EBF2: variants seen among roughly 807,000 people sequenced by gnomAD.
EBF2 encodes EBF transcription factor 2.
Under a neutral mutation model 72.8 loss-of-function variants are expected in EBF2, and 21 were observed. The observed-to-expected ratio is 0.29, with a 90% CI of 0.20 to 0.42. The LOEUF is 0.42. Ranked by LOEUF, EBF2 falls within the 10% of genes least tolerant of loss-of-function variation. EBF2 has a pLI of 1.00. For missense variants in EBF2, 637 were observed against 731.2 expected (o/e 0.87, Z 1.49); for synonymous variants, 299 against 274.2 (o/e 1.09, Z -0.89).
intron 6 of EBF2, among the ~76,000 whole-genome samples, chr8:25,997,453 C>A (rs1394066661): frequency 6.6e-6 from 1 of 151,794 alleles, no homozygotes; most frequent in Non-Finnish European, 1.5e-5. Context: ...CACCTGTAGT[C>A]CCAGATATTC....
intron 6 of EBF2, among the ~76,000 whole-genome samples, chr8:26,030,364 C>T (rs1421365145): frequency 1.3e-5 from 2 of 151,930 alleles, no homozygotes; most frequent in South Asian, 2.1e-4. Flanking sequence ...TCATCCATGT[C>T]CCTACAAAGG....
intron 6 of EBF2, among the ~76,000 whole-genome samples, chr8:25,983,752 C>T (rs183194389): frequency 3.3e-5 from 5 of 152,358 alleles, no homozygotes; most frequent in African/African-American, 9.6e-5. Context: ...TGAAAACTCG[C>T]TGGGTGTGCC....
chr8:26,034,777 G>A (rs774879936), intron 5 of EBF2, among the ~76,000 whole-genome samples: 2 of 152,188 alleles, frequency 1.3e-5, no homozygotes, highest in African/African-American at 2.4e-5. Context: ...TGCCTAAGGA[G>A]TAAGCACACT....
chr8:25,991,704 C>T (rs1394771204), intron 6 of EBF2, among the ~76,000 whole-genome samples: 4 of 151,934 alleles, frequency 2.6e-5, no homozygotes, highest in Admixed American at 1.3e-4. Context: ...AAATTAGCCA[C>T]GCATGGTGGC....
chr8:26,011,825 A>C (rs936146450), intron 6 of EBF2, among the ~76,000 whole-genome samples: 5 of 151,782 alleles, frequency 3.3e-5, no homozygotes, highest in African/African-American at 1.2e-4. Flanking sequence ...AAAAAAAAGC[A>C]ATGTGTTATC....
At chr8:25,878,101 G>A (rs1422582641) in intron 10 of EBF2, among the ~76,000 whole-genome samples, 3 of 152,142 alleles carry the variant, frequency 2.0e-5, no homozygotes, top group African/African-American at 7.2e-5. Context: ...TGGACCACAC[G>A]GCCAGCCCCC....
In EBF2 at chr8:26,042,115, C is replaced by T; in HGVS notation, c.268G>A (p.Asp90Asn). The change falls in exon 2 of 16, where the codon GAC becomes AAC. Residue 90 changes from aspartate (D) to asparagine (N), a missense_variant. Physicochemically the swap from Asp to Asn is conservative, Grantham distance 23. Transcript: ENST00000520164. ...PVEIERTAFV[D>N]FVENDKEQGN... is the part of the protein sequence containing the mutation. ...CTTACTTTGTCATTCTCCACAAAGTCCACGAAGGCCGTCCGCTCGATCTCC... is the reference window on the plus strand; with the variant it reads ...CTTACTTTGTCATTCTCCACAAAGTTCACGAAGGCCGTCCGCTCGATCTCC... The T allele has an allele frequency of 1.2e-6, 2 of 1,613,716 alleles. No homozygotes were observed. Among genetic ancestry groups the T allele is most frequent in the South Asian group, 2.2e-5 (2 of 91,040 alleles).
chr8:25,962,254 G>A (rs1307431927), intron 6 of EBF2, among the ~76,000 whole-genome samples: 1 of 152,156 alleles, frequency 6.6e-6, no homozygotes, highest in African/African-American at 2.4e-5. Flanking sequence ...AGGATTGTAA[G>A]CAATATGAGT....
At chr8:26,010,426 G>C (rs540685963) in intron 6 of EBF2, among the ~76,000 whole-genome samples, 1 of 152,332 alleles carries the variant, frequency 6.6e-6, no homozygotes, top group East Asian at 1.9e-4. Flanking sequence ...GCCACAGACA[G>C]GAATTTAGCA....
At position 25,872,695 on chromosome 8, in the gene EBF2, A is replaced by G. The variant is rs1283710395; in HGVS notation, c.1010-9898T>C. Among the ~76,000 whole-genome samples the G allele has an allele frequency of 3.9e-5, 6 of 152,082 alleles. No homozygotes were observed. The East Asian group carries it at 1.2e-3, about 29-fold the overall frequency. On this transcript the variant is annotated intron_variant, in intron 10 of 15. Coordinates refer to ENST00000520164, the MANE Select transcript of EBF2 (RefSeq NM_022659.4). ...TAAGAAAGCAAACAACAACAACAAC[A>G]ACAACAACAACAACAACAAACCCTT...
rs113567334 is a variant in EBF2 at position 25,985,414 on chromosome 8, G to A, written c.551+47671C>T. On this transcript the variant is annotated intron_variant, in intron 6 of 15. Transcript: ENST00000520164. ...AGAACCAACGGTCTGGGGAAGTAGA[G>A]AGGTTTCCAGAGTCAGCCTCGCTCT... Among the ~76,000 whole-genome samples the A allele has an allele frequency of 2.9e-3, 441 of 152,294 alleles. 3 individuals are homozygous for A. The highest frequency in any genetic ancestry group is 0.01 in the African/African-American group (424 of 41,564).
intron 6 of EBF2, among the ~76,000 whole-genome samples, chr8:25,926,817 C>T (rs763009139): frequency 1.3e-5 from 2 of 152,162 alleles, no homozygotes; most frequent in East Asian, 1.9e-4. Context: ...TTTGAGGCAA[C>T]GTAAATTCAC....
chr8:25,852,015 A>C (rs542517699), intron 14 of EBF2, among the ~76,000 whole-genome samples: 1 of 152,306 alleles, frequency 6.6e-6, no homozygotes, highest in South Asian at 2.1e-4. Flanking sequence ...AAATCCAAAG[A>C]CTTCAAAAGA....
In EBF2 at chr8:25,934,224, T is replaced by TACACAC. The variant is rs71216403; in HGVS notation, c.552-25675_552-25670dup. Among the ~76,000 whole-genome samples the TACACAC allele has an allele frequency of 1.5e-3, 211 of 136,832 alleles. 1 individual carries two copies. Among genetic ancestry groups the TACACAC allele is most frequent in the Middle Eastern group, 3.7e-3 (1 of 268 alleles). The allele number at this position is 136,832 out of a possible 152,430, so 89.8% of individuals were successfully genotyped here. A position where few individuals can be genotyped will look rare whatever the true frequency, so the allele number is the denominator to read the frequency against. On this transcript the variant is annotated intron_variant, in intron 6 of 15. Coordinates refer to ENST00000520164, the MANE Select transcript of EBF2 (RefSeq NM_022659.4). ...CTGCTTATTGTTGACTTCATGTGCA[T>TACACAC]ACACACACACACACACACACACACA...
chr8:25,968,523 TGGGG>T (rs1804146607), intron 6 of EBF2, among the ~76,000 whole-genome samples: 1 of 152,124 alleles, frequency 6.6e-6, no homozygotes, highest in South Asian at 2.1e-4. Context: ...TGCCAGTAGC[TGGGG>T]GGAGGGGAAA....
intron 6 of EBF2, among the ~76,000 whole-genome samples, chr8:25,957,194 T>A (rs560805087): frequency 6.6e-6 from 1 of 152,182 alleles, no homozygotes; most frequent in Admixed American, 6.5e-5. Context: ...AAACTGCCAT[T>A]TCCCCCCCAA....
chr8:25,938,677 G>A (rs1803619932), intron 6 of EBF2, among the ~76,000 whole-genome samples: 1 of 152,108 alleles, frequency 6.6e-6, no homozygotes, highest in East Asian at 1.9e-4. Context: ...CAGTAAGAAG[G>A]AAGTCAAATA....
Position 25,877,553 on chromosome 8 carries a change from G to A in EBF2, c.1009+9202C>T, listed in dbSNP as rs150915452. Among the ~76,000 whole-genome samples the A allele has an allele frequency of 3.7e-3, 562 of 152,312 alleles. 2 individuals carry two copies. The highest frequency in any genetic ancestry group is 6.0e-3 in the Non-Finnish European group (408 of 68,022). ...GATGTTGTTTGTGCTGTGGTTGGCA[G>A]TGGCAACCATGGGGGTCTGGCTAAT... is the stretch of plus-strand genomic sequence containing the variant. On this transcript the variant is annotated intron_variant, in intron 10 of 15. Coordinates refer to ENST00000520164, the MANE Select transcript of EBF2 (RefSeq NM_022659.4).
Position 25,949,264 on chromosome 8 carries a change from A to G in EBF2, c.552-40709T>C, listed in dbSNP as rs932075202. Among the ~76,000 whole-genome samples, 9 of 152,202 alleles carry G rather than the reference A, an allele frequency of 5.9e-5. 2 individuals are homozygous for G. The highest frequency in any genetic ancestry group is 5.2e-4 in the Admixed American group (8 of 15,280). On this transcript the variant is annotated intron_variant, in intron 6 of 15. Coordinates refer to ENST00000520164, the MANE Select transcript of EBF2 (RefSeq NM_022659.4). Reference sequence around the variant, plus strand: ...AGTGGAGCTACAATTCGAGCCAGGCAATCTGCCTTCAGCACGTTCTGTAAC... The same window carrying G: ...AGTGGAGCTACAATTCGAGCCAGGCGATCTGCCTTCAGCACGTTCTGTAAC...
Sources: allele counts gnomAD v4.1 joint callset (sites outside exome capture counted in the v4.1 genomes callset), GRCh38; gene constraint gnomAD v4.1.1; transcripts MANE v1.5; gene names NCBI Gene and HGNC (gene_info 2026-07-23, HGNC 2026-07-21).